PRR12: variants seen among roughly 807,000 people sequenced by gnomAD.
PRR12 encodes the protein proline-rich protein 12.
PRR12 carries 12 observed loss-of-function variants against 138.0 expected under a neutral mutation model. That is an observed-to-expected ratio of 0.09 (90% CI 0.06 to 0.14). PRR12 has a LOEUF of 0.14. Ranked by LOEUF, PRR12 falls within the 10% of genes least tolerant of loss-of-function variation. PRR12 has a pLI of 1.00. For missense variants in PRR12, 2,692 were observed against 2,861.3 expected (o/e 0.94, Z 1.35); for synonymous variants, 1,567 against 1,291.7 (o/e 1.21, Z -4.57).
chr19:49,596,917 C>T lies in PRR12; in HGVS notation c.2582C>T (p.Pro861Leu), dbSNP rs1460541577. The change falls in exon 4 of 14, where the codon CCC becomes CTC. Residue 861 changes from proline (P) to leucine (L), a missense_variant. Pro to Leu is a moderately conservative substitution (Grantham distance 98). Coordinates refer to ENST00000418929, the MANE Select transcript of PRR12 (RefSeq NM_020719.3). This position sits in a 1 kb window ranked among gnomAD's most constrained non-coding sequence, Gnocchi z 5.6. Reference protein sequence around the residue: ...EAHLRSHGLEPAAPSPRLRPE... With the variant: ...EAHLRSHGLELAAPSPRLRPE... Reference sequence around the variant, plus strand: ...CACCTCCGCAGCCATGGCCTGGAGCCCGCGGCCCCCAGCCCCCGCCTGCGA... The same window carrying T: ...CACCTCCGCAGCCATGGCCTGGAGCTCGCGGCCCCCAGCCCCCGCCTGCGA... 5.8e-6 allele frequency: 9 copies of T among 1,550,710 alleles called. No individual in the cohort carries two copies. Among genetic ancestry groups the T allele is most frequent in the Non-Finnish European group, 7.8e-6 (9 of 1,154,930 alleles).
In PRR12 at chr19:49,595,792, C is replaced by T. The variant is rs749774530; in HGVS notation, c.1457C>T (p.Pro486Leu). Reference sequence around the variant, plus strand: ...GGCCCCCCACAGCCCCCCAGCGGCCCCCCTCCTCCTGGCCTGGCCACATGT... The same window carrying T: ...GGCCCCCCACAGCCCCCCAGCGGCCTCCCTCCTCCTGGCCTGGCCACATGT... ...SGGPPQPPSG[P>L]PPPGLATCQS... The change falls in exon 4 of 14, where the codon CCC becomes CTC. Residue 486 changes from proline to leucine, a missense_variant. Pro to Leu is a moderately conservative substitution (Grantham distance 98). Around this residue, in one of 11 missense-constraint regions of PRR12, gnomAD observed 523 missense variants for 496.4 expected, o/e 1.05. Transcript: ENST00000418929. 3.8e-6 allele frequency: 6 copies of T among 1,598,664 alleles called. No homozygotes were observed. The highest frequency in any genetic ancestry group is 1.7e-5 in the Admixed American group (1 of 58,260).
Position 49,595,954 on chromosome 19 carries a change from C to T in PRR12, c.1619C>T (p.Ala540Val), listed in dbSNP as rs747391803. Residue 540 changes from alanine to valine, a missense_variant, in exon 4 of 14, where the codon GCG becomes GTG. By Grantham distance (64) the Ala-to-Val change is moderately conservative. Coordinates refer to ENST00000418929, the MANE Select transcript of PRR12 (RefSeq NM_020719.3). ...AGCTACAGTACCGGCCATTCCCCAG[C>T]GCTCTCGGGCCATGGGGGTGGCTGG... ...SLSYSTGHSP[A>V]LSGHGGGWGP... 124 of 1,600,612 alleles carry T rather than the reference C, an allele frequency of 7.7e-5. No individual in the cohort carries two copies. Among genetic ancestry groups the T allele is most frequent in the Non-Finnish European group, 1.0e-4 (118 of 1,179,646 alleles).
chr19:49,607,025 G>C (rs1050210878), intron 6 of PRR12, among the ~76,000 whole-genome samples: 1 of 151,896 alleles, frequency 6.6e-6, no homozygotes, highest in Admixed American at 6.6e-5. Flanking sequence ...TTAGCCATAG[G>C]TGGCCAAAGT....
intron 6 of PRR12, among the ~76,000 whole-genome samples, chr19:49,611,967 T>C (rs1173206588): frequency 7.5e-5 from 10 of 134,144 alleles, no homozygotes; most frequent in Non-Finnish European, 1.4e-4. Flanking sequence ...GCACAGTGGC[T>C]CACCCCTGTA....
rs2080722974 is a variant in PRR12 at position 49,591,285 on chromosome 19, C to A, written c.-370C>A. ...AGAGAGCGAGCACCCAGCGCCTGCA[C>A]CCACCCCGGGGCCGCCCGGGACGCC... On this transcript the variant is annotated 5_prime_UTR_variant, in exon 1 of 14. Transcript: ENST00000418929. Among the ~76,000 whole-genome samples the A allele has an allele frequency of 6.6e-6, 1 of 150,830 alleles. No individual in the cohort carries two copies. The highest frequency in any genetic ancestry group is 1.5e-5 in the Non-Finnish European group (1 of 67,592).
intron 6 of PRR12, among the ~76,000 whole-genome samples, chr19:49,608,841 CA>C (rs112058165): frequency 0.02 from 2,748 of 135,570 alleles, 83 homozygotes; most frequent in African/African-American, 0.068. Flanking sequence ...GACCCTGTCT[CA>C]AAAAAAAAAA....
At position 49,596,471 on chromosome 19, in the gene PRR12, G is replaced by A. The variant is rs568034897; in HGVS notation, c.2136G>A (p.Glu712=). Residue 712 remains glutamate, a synonymous_variant, in exon 4 of 14, where the codon GAG becomes GAA. Transcript: ENST00000418929. The surrounding 1 kb of genome is among the most constrained non-coding windows in gnomAD (Gnocchi z 5.6). ...TCCGCACCAGTGCCAGCCTGGATGA[G>A]GGTGCCACTGCGGCACTGGAGCTGG... ...SVIRTSASLD[E]GATAALELGL... is the part of the protein sequence containing the mutation. 15 of 1,611,192 alleles carry A rather than the reference G, an allele frequency of 9.3e-6. No individual in the cohort carries two copies. Among genetic ancestry groups the A allele is most frequent in the Middle Eastern group, 1.7e-4 (1 of 6,052 alleles).
intron 6 of PRR12, among the ~76,000 whole-genome samples, chr19:49,602,243 G>A (rs1265068545): frequency 6.6e-6 from 1 of 152,142 alleles, no homozygotes; most frequent in Non-Finnish European, 1.5e-5. Context: ...GGTGGTAGAG[G>A]ACCAGTACTG....
rs775006563 is a variant in PRR12, at chr19:49,599,370, T to C, written c.3777T>C (p.Thr1259=). Reference sequence around the variant, plus strand: ...ACAACAGCCTGGACTCGAGCCTGACTCGGGAGAAGATCGAGGCCAAGATTA... The same window carrying C: ...ACAACAGCCTGGACTCGAGCCTGACCCGGGAGAAGATCGAGGCCAAGATTA... The part of the protein sequence containing the change: ...TDHNSLDSSL[T]REKIEAKIKE... The change falls in exon 5 of 14, where the codon ACT becomes ACC. Residue 1259 remains threonine, a synonymous_variant. Transcript: ENST00000418929. The surrounding 1 kb of genome is among the most constrained non-coding windows in gnomAD (Gnocchi z 5.0). 5 of 1,613,026 alleles carry C rather than the reference T, an allele frequency of 3.1e-6. No homozygotes were observed. Among genetic ancestry groups the C allele is most frequent in the East Asian group, 4.5e-5 (2 of 44,864 alleles).
In PRR12 at chr19:49,593,318, TC is replaced by T. The variant is rs754549274; in HGVS notation, c.87-3del. On this transcript the variant is annotated splice_polypyrimidine_tract_variant and splice_region_variant and intron_variant, in intron 1 of 13. Transcript: ENST00000418929. ...GAAGAACCCCCTGACGTCTCCCCTT[TC>T]CCCCCAGCTTGGTTTATGGCAGCTC... The T allele has an allele frequency of 6.0e-6, 9 of 1,493,438 alleles. No homozygotes were observed. Among genetic ancestry groups the T allele is most frequent in the Admixed American group, 1.8e-5 (1 of 56,644 alleles). The allele number at this position is 1,493,438 out of a possible 1,614,324, so 92.5% of individuals were successfully genotyped here. A position where few individuals can be genotyped will look rare whatever the true frequency, so the allele number is the denominator to read the frequency against.
chr19:49,620,274 T>C (rs1006180143), intron 9 of PRR12, 78 bp from the exon 10 acceptor site: 88 of 1,573,900 alleles, frequency 5.6e-5, no homozygotes, highest in Middle Eastern at 1.7e-4. Flanking sequence ...CGGTCCCCAG[T>C]GTTGAGAACA....
chr19:49,598,742 A>G (rs1477843020), intron 4 of PRR12, among the ~76,000 whole-genome samples: 1 of 152,170 alleles, frequency 6.6e-6, no homozygotes, highest in Non-Finnish European at 1.5e-5. Context: ...GGATCTCTTG[A>G]GCCCAGGAGT....
At chr19:49,608,249 G>A (rs935508350) in intron 6 of PRR12, among the ~76,000 whole-genome samples, 1 of 152,012 alleles carries the variant, frequency 6.6e-6, no homozygotes, top group African/African-American at 2.4e-5. Context: ...CAGCACTTCG[G>A]GAGGCTGAGG....
intron 6 of PRR12, among the ~76,000 whole-genome samples, chr19:49,608,067 TG>T (rs1363150935): frequency 6.6e-6 from 1 of 152,264 alleles, no homozygotes; most frequent in East Asian, 1.9e-4. Context: ...TATTATTAAA[TG>T]GGGTATTACT....
rs759617386 is a variant in PRR12 at position 49,599,903 on chromosome 19, C to T, written c.4310C>T (p.Pro1437Leu). The change falls in exon 5 of 14, where the codon CCG becomes CTG. Residue 1437 changes from proline (P) to leucine (L), a missense_variant. Pro to Leu is a moderately conservative substitution (Grantham distance 98). Around this residue, in one of 11 missense-constraint regions of PRR12, gnomAD observed 231 missense variants for 200.8 expected, o/e 1.15. Transcript: ENST00000418929. The surrounding 1 kb of genome is among the most constrained non-coding windows in gnomAD (Gnocchi z 5.0). ...AAAVPGPPPL[P>L]GLPSANSNGT... ...GCAGTTCCAGGGCCACCCCCTCTTC[C>T]GGGGCTCCCCAGTGCCAACAGCAAT... is the stretch of plus-strand genomic sequence containing the variant. The T allele has an allele frequency of 1.2e-5, 20 of 1,609,556 alleles. No homozygotes were observed. Among genetic ancestry groups the T allele is most frequent in the East Asian group, 2.2e-5 (1 of 44,848 alleles).
chr19:49,600,047 G>A (rs1233781742), intron 5 of PRR12, 109 bp downstream of exon 5: 5 of 1,204,960 alleles, frequency 4.1e-6, no homozygotes, highest in Non-Finnish European at 5.6e-6. Flanking sequence ...CACATACATG[G>A]TGTAAGCTTG....
chr19:49,619,822 C>T (rs1250970234), intron 9 of PRR12, among the ~76,000 whole-genome samples: 2 of 144,864 alleles, frequency 1.4e-5, no homozygotes, highest in East Asian at 2.1e-4. Flanking sequence ...GATTGCAGGC[C>T]ACAGCACTTT....
chr19:49,607,361 G>GCGCGCGCACACACACACACACACA (rs1555742564), intron 6 of PRR12, among the ~76,000 whole-genome samples: 2 of 147,760 alleles, frequency 1.4e-5, no homozygotes, highest in Non-Finnish European at 3.0e-5. Flanking sequence ...ATGTACGTGT[G>GCGCGCGCACACACACACACACACA]CACACACACA....
rs966736015 is a variant in PRR12 at position 49,594,246 on chromosome 19, T to C, written c.200-208T>C. Among the ~76,000 whole-genome samples, 1 of 152,168 alleles carries C rather than the reference T, an allele frequency of 6.6e-6. No homozygotes were observed. The highest frequency in any genetic ancestry group is 1.5e-5 in the Non-Finnish European group (1 of 68,030). On this transcript the variant is annotated intron_variant, in intron 2 of 13. Transcript: ENST00000418929. The surrounding 1 kb of genome is among the most constrained non-coding windows in gnomAD (Gnocchi z 5.6). The stretch of plus-strand genomic sequence containing the variant: ...GTCCTTATGACTGGATTGCCCCTTG[T>C]CTTGCTTTACTGTCTCACCTTTCCC...
Sources: gnomAD v4.1 joint callset for allele counts (sites outside exome capture counted in the v4.1 genomes callset) on GRCh38, gnomAD v4.1.1 for gene constraint, gnomAD v4.1.1 regional missense constraint, Gnocchi (gnomAD v3.1) non-coding constraint, MANE v1.5 for transcripts, NCBI Gene and HGNC (gene_info 2026-07-23, HGNC 2026-07-21) for gene names.